The following SUSD4 variants were observed in gnomAD, a reference collection of about 807,000 sequenced individuals.
The protein encoded by SUSD4 is sushi domain containing 4.
SUSD4 carries 41 observed loss-of-function variants against 50.5 expected under a neutral mutation model. The ratio of observed to expected loss-of-function variants is 0.81; its 90% CI spans 0.63 to 1.05. The LOEUF is 1.05. SUSD4 is among the 50% of genes least tolerant of loss of function. The probability of loss-of-function intolerance (pLI) is 0.00; values close to 1 mark genes in which losing one functional copy is unlikely to be tolerated. For synonymous variants in SUSD4, 257 were observed against 257.3 expected (o/e 1.00, Z 0.01); for missense variants, 580 against 634.7 (o/e 0.91, Z 0.93).
chr1:223,273,813 C>T (rs1231964940), intron 3 of SUSD4, among the ~76,000 whole-genome samples: 1 of 152,202 alleles, frequency 6.6e-6, no homozygotes, highest in Non-Finnish European at 1.5e-5. Context: ...CATATAGCCC[C>T]ACTGGAAGAC....
chr1:223,361,607 G>C (rs1400964), intron 2 of SUSD4, among the ~76,000 whole-genome samples: 1 of 152,008 alleles, frequency 6.6e-6, no homozygotes, highest in Non-Finnish European at 1.5e-5. Flanking sequence ...CTGTAAACAC[G>C]ACCAAGCAGA....
chr1:223,289,188 C>G, intron 3 of SUSD4: 1 of 985,430 alleles, frequency 1.0e-6, no homozygotes, highest in African/African-American at 1.7e-5. Context: ...GGTCTCCTCT[C>G]CACCATATAG....
At chr1:223,315,581 A>G (rs1429875273) in intron 2 of SUSD4, among the ~76,000 whole-genome samples, 1 of 152,232 alleles carries the variant, frequency 6.6e-6, no homozygotes, top group Non-Finnish European at 1.5e-5. Flanking sequence ...GATTTGAGTA[A>G]TAACACCAAC....
chr1:223,319,136 C>T (rs1666419590), intron 2 of SUSD4, among the ~76,000 whole-genome samples: 1 of 56,146 alleles, frequency 1.8e-5, no homozygotes, highest in Admixed American at 2.3e-4. Flanking sequence ...TTCCTTACAC[C>T]TTATACAAAA....
chr1:223,336,444 T>C (rs1226911527), intron 2 of SUSD4, among the ~76,000 whole-genome samples: 1 of 152,194 alleles, frequency 6.6e-6, no homozygotes, highest in East Asian at 1.9e-4. Context: ...AACATGAAGG[T>C]AGCCGCATGA....
At chr1:223,285,059 C>T (rs61838192) in intron 3 of SUSD4, among the ~76,000 whole-genome samples, 42,650 of 152,056 alleles carry the variant, frequency 0.28, 7,422 homozygotes, top group Non-Finnish European at 0.4. Context: ...TGATGATGGA[C>T]ATGTGAATTG....
At chr1:223,241,472 AC>A (rs1364832216) in intron 5 of SUSD4, among the ~76,000 whole-genome samples, 1 of 151,842 alleles carries the variant, frequency 6.6e-6, no homozygotes, top group Admixed American at 6.6e-5. Context: ...GTGTATCTCC[AC>A]TCAGGTAAGC....
chr1:223,296,856 G>T (rs1055843867), intron 2 of SUSD4, among the ~76,000 whole-genome samples: 1 of 152,160 alleles, frequency 6.6e-6, no homozygotes, highest in African/African-American at 2.4e-5. Context: ...TTTCCCTTCT[G>T]CCATGATTGT....
At chr1:223,325,779 A>G (rs1189120094) in intron 2 of SUSD4, among the ~76,000 whole-genome samples, 3 of 152,212 alleles carry the variant, frequency 2.0e-5, no homozygotes, top group African/African-American at 7.2e-5. Flanking sequence ...CAACAGCTGC[A>G]AACAACAACA....
chr1:223,346,079 C>T (rs993316700), intron 2 of SUSD4, among the ~76,000 whole-genome samples: 4 of 152,148 alleles, frequency 2.6e-5, no homozygotes, highest in Admixed American at 6.5e-5. Context: ...GTTGTAGAGG[C>T]CGTCCTGTGC....
intron 2 of SUSD4, among the ~76,000 whole-genome samples, chr1:223,323,153 G>A (rs769225496): frequency 7.9e-5 from 12 of 151,846 alleles, no homozygotes; most frequent in Admixed American, 1.3e-4. Context: ...CAATGACGGA[G>A]GGTGAAGGGA....
chr1:223,320,156 G>A (rs772707018), intron 2 of SUSD4, among the ~76,000 whole-genome samples: 1 of 152,084 alleles, frequency 6.6e-6, no homozygotes, highest in Admixed American at 6.5e-5. Flanking sequence ...GATTTCTTCT[G>A]GGAGTTACAC....
At chr1:223,329,565 T>C (rs1667061103) in intron 2 of SUSD4, among the ~76,000 whole-genome samples, 1 of 152,228 alleles carries the variant, frequency 6.6e-6, no homozygotes. Flanking sequence ...TCTAAGCTCC[T>C]GAAAGGCACA....
chr1:223,284,392 T>C (rs1014116093), intron 3 of SUSD4, among the ~76,000 whole-genome samples: 2 of 152,160 alleles, frequency 1.3e-5, no homozygotes, highest in African/African-American at 2.4e-5. Context: ...ATGACCATAC[T>C]GGAAAGAAAA....
At chr1:223,334,235 A>AT in intron 2 of SUSD4, among the ~76,000 whole-genome samples, 1 of 152,298 alleles carries the variant, frequency 6.6e-6, no homozygotes, top group Middle Eastern at 3.4e-3. Flanking sequence ...GTTCCTTATC[A>AT]TTAAAATATG....
intron 3 of SUSD4, among the ~76,000 whole-genome samples, chr1:223,284,572 C>T (rs1664004662): frequency 6.6e-6 from 1 of 152,130 alleles, no homozygotes; most frequent in Admixed American, 6.5e-5. Context: ...TTTATTGCAG[C>T]ACTATTCACA....
At chr1:223,253,348 A>G (rs1661466264) in intron 5 of SUSD4, among the ~76,000 whole-genome samples, 1 of 152,182 alleles carries the variant, frequency 6.6e-6, no homozygotes. Flanking sequence ...CAAAAAAAAA[A>G]AGAAAATGAT....
chr1:223,238,537 T>G (rs1396239342), intron 5 of SUSD4, among the ~76,000 whole-genome samples: 1 of 151,964 alleles, frequency 6.6e-6, no homozygotes, highest in Non-Finnish European at 1.5e-5. Context: ...TGTTGACAAG[T>G]TGTGTTTTCA....
intron 2 of SUSD4, among the ~76,000 whole-genome samples, chr1:223,302,940 C>G (rs947148858): frequency 6.6e-6 from 1 of 151,986 alleles, no homozygotes; most frequent in Non-Finnish European, 1.5e-5. Context: ...GAGTTTCAGA[C>G]CAGCCTCGGC....
Sources: allele counts gnomAD v4.1 joint callset (sites outside exome capture counted in the v4.1 genomes callset), GRCh38; gene constraint gnomAD v4.1.1; transcripts MANE v1.5; gene names NCBI Gene and HGNC (gene_info 2026-07-23, HGNC 2026-07-21).